LRMDA: variants seen among roughly 807,000 people sequenced by gnomAD.
LRMDA encodes the protein leucine-rich melanocyte differentiation-associated protein.
In LRMDA, 18 loss-of-function variants were observed where a neutral mutation model predicts 29.8. That is an observed-to-expected ratio of 0.60 (90% confidence interval 0.42 to 0.90). The LOEUF (loss-of-function observed/expected upper bound fraction) is 0.90, where lower values mean the gene tolerates loss of function less well. Among genes scored for constraint, LRMDA ranks in the 40% least tolerant of loss-of-function variants. LRMDA has a pLI of 0.00. For synonymous variants in LRMDA, 125 were observed against 109.4 expected (o/e 1.14, Z -0.89); for missense variants, 273 against 273.9 (o/e 1.00, Z 0.02).
chr10:75,902,504 G>GCA (rs1845692228), intron 2 of LRMDA, among the ~76,000 whole-genome samples: 1 of 56,096 alleles, frequency 1.8e-5, no homozygotes, highest in African/African-American at 2.3e-4. Flanking sequence ...TTGCTTTGGG[G>GCA]TATCTAGAGC....
At chr10:76,127,682 AG>A (rs1280313952) in intron 5 of LRMDA, among the ~76,000 whole-genome samples, 2 of 151,684 alleles carry the variant, frequency 1.3e-5, no homozygotes, top group African/African-American at 4.8e-5. Flanking sequence ...AAAGCTTGGG[AG>A]GAAAAAAAAA....
intron 5 of LRMDA, among the ~76,000 whole-genome samples, chr10:76,272,645 A>G (rs963767000): frequency 1.3e-5 from 2 of 152,190 alleles, no homozygotes; most frequent in African/African-American, 4.8e-5. Context: ...ATACATTGGA[A>G]AAGCTGGTCT....
intron 2 of LRMDA, among the ~76,000 whole-genome samples, chr10:75,636,668 G>C (rs899137860): frequency 4.6e-5 from 7 of 151,826 alleles, no homozygotes; most frequent in African/African-American, 1.2e-4. Context: ...AATTCATTAG[G>C]TGATAAAAAT....
chr10:75,475,326 GA>G (rs1239357469), intron 2 of LRMDA, among the ~76,000 whole-genome samples: 6 of 152,186 alleles, frequency 3.9e-5, no homozygotes, highest in Admixed American at 3.9e-4. Flanking sequence ...TGGGTGGCTA[GA>G]GCCCATGCCT....
intron 2 of LRMDA, among the ~76,000 whole-genome samples, chr10:75,667,224 C>T (rs905600244): frequency 2.6e-5 from 4 of 151,816 alleles, no homozygotes; most frequent in African/African-American, 9.7e-5. Flanking sequence ...TTTATAACCC[C>T]CCCCCCCAAG....
chr10:75,639,880 C>T (rs545914238), intron 2 of LRMDA, among the ~76,000 whole-genome samples: 4 of 152,262 alleles, frequency 2.6e-5, no homozygotes, highest in Admixed American at 6.5e-5. Flanking sequence ...GTGATGCTGT[C>T]GTGTTGAGGA....
chr10:75,789,903 T>C (rs2132251074), intron 2 of LRMDA, among the ~76,000 whole-genome samples: 2 of 152,230 alleles, frequency 1.3e-5, no homozygotes, highest in South Asian at 4.1e-4. Context: ...TGAGGCTTGA[T>C]ATTCATAGGG....
intron 6 of LRMDA, among the ~76,000 whole-genome samples, chr10:76,473,619 A>T (rs1236203397): frequency 2.1e-4 from 2 of 9,548 alleles, no homozygotes; most frequent in Non-Finnish European, 1.4e-3. Flanking sequence ...GGATTCTGCT[A>T]AAAAAAAAAA....
At chr10:76,191,868 G>A (rs1249780434) in intron 5 of LRMDA, among the ~76,000 whole-genome samples, 1 of 152,164 alleles carries the variant, frequency 6.6e-6, no homozygotes. Flanking sequence ...TCCCACACAG[G>A]CCCTGATCAT....
At chr10:76,410,726 G>A (rs1841951943) in intron 6 of LRMDA, among the ~76,000 whole-genome samples, 1 of 152,134 alleles carries the variant, frequency 6.6e-6, no homozygotes, top group East Asian at 1.9e-4. Flanking sequence ...GGCCAAGGGG[G>A]GTGGATCACT....
intron 2 of LRMDA, among the ~76,000 whole-genome samples, chr10:75,662,837 G>T (rs889807214): frequency 6.6e-6 from 1 of 152,176 alleles, no homozygotes; most frequent in Admixed American, 6.5e-5. Context: ...TATCCTGGCT[G>T]CAGTGACAGA....
rs10571839 is a variant in LRMDA at position 75,802,335 on chromosome 10, G to GCACACACA, written c.132-233648_132-233641dup. On this transcript the variant is annotated intron_variant, in intron 2 of 6. Coordinates refer to ENST00000611255, the MANE Select transcript of LRMDA (RefSeq NM_001305581.2). ...CCTATCTCTAAACACACACACACGCGCACACACACACACACACACACACAC... is the reference window on the plus strand; with the variant it reads ...CCTATCTCTAAACACACACACACGCGCACACACACACACACACACACACACACACACAC... Among the ~76,000 whole-genome samples, 273 of 147,140 alleles carry GCACACACA rather than the reference G, an allele frequency of 1.9e-3. 1 individual carries two copies. Among genetic ancestry groups the GCACACACA allele is most frequent in the African/African-American group, 5.8e-3 (231 of 39,594 alleles).
chr10:75,432,799 C>T (rs745926924), intron 1 of LRMDA, among the ~76,000 whole-genome samples: 3 of 152,178 alleles, frequency 2.0e-5, no homozygotes, highest in South Asian at 2.1e-4. Context: ...TTAAACTAGC[C>T]GCTGCCTGTT....
chr10:75,880,865 T>G (rs1845282295), intron 2 of LRMDA, among the ~76,000 whole-genome samples: 1 of 152,198 alleles, frequency 6.6e-6, no homozygotes. Context: ...ACTTCCAGAC[T>G]GTATGATGGG....
At chr10:76,154,993 T>C (rs1379326009) in intron 5 of LRMDA, among the ~76,000 whole-genome samples, 2 of 152,072 alleles carry the variant, frequency 1.3e-5, no homozygotes, top group Admixed American at 6.6e-5. Context: ...CGGCTCTCAT[T>C]CCCTTTTGCC....
intron 2 of LRMDA, among the ~76,000 whole-genome samples, chr10:75,788,417 C>T (rs184419415): frequency 2.0e-5 from 3 of 152,168 alleles, no homozygotes; most frequent in South Asian, 2.1e-4. Context: ...AAGTTTTAAG[C>T]AGGAAGGAAG....
At chr10:76,020,374 A>C (rs1847953686) in intron 2 of LRMDA, among the ~76,000 whole-genome samples, 1 of 152,252 alleles carries the variant, frequency 6.6e-6, no homozygotes, top group South Asian at 2.1e-4. Context: ...AGCAGAAAAC[A>C]AAAAAGAACA....
chr10:76,006,915 A>G (rs968921574), intron 2 of LRMDA, among the ~76,000 whole-genome samples: 2 of 151,716 alleles, frequency 1.3e-5, no homozygotes, highest in Non-Finnish European at 2.9e-5. Flanking sequence ...TGCCTGGCTA[A>G]GCAGTTCCTC....
intron 2 of LRMDA, among the ~76,000 whole-genome samples, chr10:75,613,715 G>C (rs1015467398): frequency 1.3e-5 from 2 of 152,176 alleles, no homozygotes; most frequent in African/African-American, 4.8e-5. Context: ...TCGTGCAGGG[G>C]AGATGTTAGC....
Sources: allele counts gnomAD v4.1 joint callset (sites outside exome capture counted in the v4.1 genomes callset), GRCh38; gene constraint gnomAD v4.1.1; transcripts MANE v1.5; gene names NCBI Gene and HGNC (gene_info 2026-07-23, HGNC 2026-07-21).